Variants in GSAP observed in about 807,000 individuals in gnomAD.
GSAP encodes the protein gamma-secretase activating protein.
A neutral mutation model predicts 131.7 loss-of-function variants in GSAP; 118 were observed. The observed-to-expected ratio is 0.90, with a 90% CI of 0.77 to 1.04. The LOEUF (loss-of-function observed/expected upper bound fraction) is 1.04, where lower values mean the gene tolerates loss of function less well. GSAP is among the 50% of genes least tolerant of loss of function. GSAP has a pLI of 0.00. For missense variants in GSAP, 1,019 were observed against 1,013.2 expected (o/e 1.01, Z -0.08); for synonymous variants, 381 against 363.4 (o/e 1.05, Z -0.55).
chr7:77,330,188 C>T, intron 20 of GSAP, 51 bp downstream of exon 20: 2 of 1,562,596 alleles, frequency 1.3e-6, no homozygotes, highest in Non-Finnish European at 1.7e-6. Context: ...TCACCTGGAT[C>T]CAGTCCACTA....
At chr7:77,398,125 G>A (rs1583859747) in intron 3 of GSAP, among the ~76,000 whole-genome samples, 1 of 152,126 alleles carries the variant, frequency 6.6e-6, no homozygotes, top group African/African-American at 2.4e-5. Flanking sequence ...TATTAGGCAG[G>A]CTCTCTTAAA....
intron 6 of GSAP, among the ~76,000 whole-genome samples, chr7:77,383,467 T>C (rs983824105): frequency 6.6e-6 from 1 of 152,026 alleles, no homozygotes; most frequent in Non-Finnish European, 1.5e-5. Flanking sequence ...TAACCAGAAT[T>C]TGTCAAGAAA....
intron 6 of GSAP, among the ~76,000 whole-genome samples, chr7:77,385,004 T>C (rs533117544): frequency 1.9e-3 from 294 of 152,034 alleles, no homozygotes; most frequent in African/African-American, 6.6e-3. Flanking sequence ...CTTTGGCCTA[T>C]AGATGCTGTC....
chr7:77,378,988 G>C (rs1156433905), intron 8 of GSAP, among the ~76,000 whole-genome samples: 2 of 152,110 alleles, frequency 1.3e-5, no homozygotes, highest in East Asian at 3.9e-4. Flanking sequence ...GCAACTTGAG[G>C]GGGGCCATGT....
chr7:77,381,527 A>G (rs757513324), intron 7 of GSAP, among the ~76,000 whole-genome samples, 173 bp from the exon 8 acceptor site: 1 of 152,208 alleles, frequency 6.6e-6, no homozygotes, highest in Admixed American at 6.5e-5. Context: ...AAAACTTTTT[A>G]AAACCCATTT....
intron 5 of GSAP, among the ~76,000 whole-genome samples, chr7:77,391,124 T>TAAA (rs1799435172): frequency 8.5e-5 from 2 of 23,524 alleles, no homozygotes; most frequent in East Asian, 2.2e-3. Flanking sequence ...AGGCTCCGTC[T>TAAA]CAAAAAAAAA....
At position 77,326,198 on chromosome 7, in the gene GSAP, C is replaced by A; in HGVS notation, c.1827+14G>T. ...CTTGTTTGCCAGCCCCTAAAGAACC[C>A]ACGTACCACTTACCAGCCCCATGAG... On this transcript the variant is annotated intron_variant, in intron 23 of 30. Coordinates refer to ENST00000257626, the MANE Select transcript of GSAP (RefSeq NM_017439.4). 1.9e-6 allele frequency: 3 copies of A among 1,599,508 alleles called. No homozygotes were observed. Among genetic ancestry groups the A allele is most frequent in the Non-Finnish European group, 2.6e-6 (3 of 1,168,774 alleles).
At chr7:77,324,680 C>T (rs1482149386) in intron 23 of GSAP, among the ~76,000 whole-genome samples, 1 of 151,996 alleles carries the variant, frequency 6.6e-6, no homozygotes, top group Non-Finnish European at 1.5e-5. Flanking sequence ...GTGCATACTT[C>T]TTTGTGCTTT....
At chr7:77,399,015 T>C (rs557100934) in intron 3 of GSAP, among the ~76,000 whole-genome samples, 1 of 152,348 alleles carries the variant, frequency 6.6e-6, no homozygotes, top group African/African-American at 2.4e-5. Context: ...CTTTAATAGC[T>C]GTATCAATTT....
chr7:77,391,364 T>A (rs77851022), intron 5 of GSAP, among the ~76,000 whole-genome samples: 1 of 152,016 alleles, frequency 6.6e-6, no homozygotes, highest in Non-Finnish European at 1.5e-5. Context: ...CCTTTGCAAA[T>A]AGTAATTTCT....
chr7:77,314,654 GT>G, intron 26 of GSAP, 165 bp from the exon 27 acceptor site: 1 of 644,718 alleles, frequency 1.6e-6, no homozygotes, highest in Non-Finnish European at 2.6e-6. Flanking sequence ...TGTATTATTC[GT>G]AACTAAATAT....
chr7:77,327,259 AC>A (rs1454404898), intron 22 of GSAP: 1 of 152,306 alleles, frequency 6.6e-6, no homozygotes, highest in Non-Finnish European at 1.5e-5. Flanking sequence ...CCTGACACAT[AC>A]AGTAGCTCCA....
chr7:77,314,392 T>C lies in GSAP; in HGVS notation c.2187A>G (p.Thr729=), dbSNP rs1437864009. ...TACCTTTCATGAGCCTTATGACAGC[T>C]GTTTCAGTGAGAAGCAACACTCCAC... ...IDSGVLLLTE[T]AVIRLMKDLD... The change falls in exon 27 of 31, where the codon ACA becomes ACG. Residue 729 remains threonine (T), a synonymous_variant. Coordinates refer to ENST00000257626, the MANE Select transcript of GSAP (RefSeq NM_017439.4). 1 of 1,613,630 alleles carries C rather than the reference T, an allele frequency of 6.2e-7. No individual in the cohort carries two copies. The highest frequency in any genetic ancestry group is 1.3e-5 in the African/African-American group (1 of 74,876).
In GSAP at chr7:77,414,844, C is replaced by CTTTTTTTTTTTTTTTTTTTTTTTTTT. The variant is rs57095326; in HGVS notation, c.109+1343_109+1368dup. Among the ~76,000 whole-genome samples the CTTTTTTTTTTTTTTTTTTTTTTTTTT allele has an allele frequency of 5.0e-5, 3 of 59,858 alleles. 1 individual carries two copies. The highest frequency in any genetic ancestry group is 2.2e-4 in the African/African-American group (3 of 13,508). The allele number at this position is 59,858 out of a possible 152,430, so 39.3% of individuals were successfully genotyped here. On this transcript the variant is annotated intron_variant, in intron 1 of 30. Coordinates refer to ENST00000257626, the MANE Select transcript of GSAP (RefSeq NM_017439.4). Reference sequence around the variant, plus strand: ...AAAAACTTTTCAGACATGTGGGCGACTTTTTTTTTTTTTTTTTTTTTTTTT... The same window carrying CTTTTTTTTTTTTTTTTTTTTTTTTTT: ...AAAAACTTTTCAGACATGTGGGCGACTTTTTTTTTTTTTTTTTTTTTTTTTTTTTTTTTTTTTTTTTTTTTTTTTTT...
chr7:77,342,617 C>T (rs957486972), intron 19 of GSAP, among the ~76,000 whole-genome samples: 16 of 152,110 alleles, frequency 1.1e-4, no homozygotes, highest in African/African-American at 1.9e-4. Context: ...CCCCCCTTGG[C>T]GACCAATCAT....
chr7:77,380,675 T>C (rs1797662211), intron 8 of GSAP, among the ~76,000 whole-genome samples: 1 of 151,404 alleles, frequency 6.6e-6, no homozygotes, highest in African/African-American at 2.4e-5. Context: ...TGGAAAAAAG[T>C]ATGATACATA....
Position 77,314,321 on chromosome 7 carries a change from G to A in GSAP, c.2209+49C>T, listed in dbSNP as rs373404112. 3.2e-5 allele frequency: 52 copies of A among 1,607,434 alleles called. No individual in the cohort carries two copies. The Middle Eastern group carries it at 9.9e-4, about 30-fold the overall frequency. The stretch of plus-strand genomic sequence containing the variant: ...TTGCACACCCAAGAAGCTAGCCTTG[G>A]TGGTGCTCAGGCTGGAACTAGCACT... On this transcript the variant is annotated intron_variant, in intron 27 of 30. Transcript: ENST00000257626.
chr7:77,365,560 A>T (rs1192712345), intron 12 of GSAP, among the ~76,000 whole-genome samples: 1 of 152,120 alleles, frequency 6.6e-6, no homozygotes, highest in Non-Finnish European at 1.5e-5. Flanking sequence ...AAAAGACATG[A>T]TCTCATTCTT....
intron 10 of GSAP, 102 bp from the exon 11 acceptor site, chr7:77,375,203 C>A: frequency 1.6e-6 from 1 of 637,274 alleles, no homozygotes; most frequent in Non-Finnish European, 2.8e-6. Context: ...ATTATGTTTG[C>A]CTAATAATGA....
Sources: gnomAD v4.1 joint callset for allele counts (sites outside exome capture counted in the v4.1 genomes callset) on GRCh38, gnomAD v4.1.1 for gene constraint, MANE v1.5 for transcripts, NCBI Gene and HGNC (gene_info 2026-07-23, HGNC 2026-07-21) for gene names.